The following NOSTRIN variants were observed in gnomAD, a reference collection of about 807,000 sequenced individuals.
NOSTRIN encodes the protein nitric oxide synthase trafficking.
NOSTRIN carries 63 observed loss-of-function variants against 59.0 expected under a neutral mutation model. The observed-to-expected ratio is 1.07, with a 90% CI of 0.87 to 1.32. The LOEUF is 1.32. Among genes scored for constraint, NOSTRIN ranks in the 40% most tolerant of loss-of-function variants. NOSTRIN has a pLI of 0.00. For synonymous variants in NOSTRIN, 200 were observed against 165.4 expected (o/e 1.21, Z -1.61); for missense variants, 512 against 473.1 (o/e 1.08, Z -0.76).
rs893134803 is a variant in NOSTRIN, at chr2:168,856,468, A to C, written c.965-222A>C. ...CATACACCTGTAATCCCAGCTACTCAAGAGGCTGAGGGAGGAGAATTGTTT... is the reference window on the plus strand; with the variant it reads ...CATACACCTGTAATCCCAGCTACTCCAGAGGCTGAGGGAGGAGAATTGTTT... On this transcript the variant is annotated intron_variant, in intron 11 of 15. Coordinates refer to ENST00000317647, the MANE Select transcript of NOSTRIN (RefSeq NM_001039724.4). 1.5e-5 allele frequency: 8 copies of C among 527,426 alleles called. No homozygotes were observed. In the African/African-American group the frequency reaches 1.5e-4, roughly 10 times the overall value. 32.7% of individuals were successfully genotyped at this position (527,426 alleles called of 1,614,324 possible).
At chr2:168,845,985 C>T (rs1162124030) in intron 8 of NOSTRIN, among the ~76,000 whole-genome samples, 2 of 152,028 alleles carry the variant, frequency 1.3e-5, no homozygotes, top group Non-Finnish European at 1.5e-5. Context: ...CCTCTGAGTT[C>T]TCTCCTGCCT....
At chr2:168,861,922 C>G (rs144696455) in intron 14 of NOSTRIN, 38 bp from the exon 15 acceptor site, 10 of 1,584,310 alleles carry the variant, frequency 6.3e-6, no homozygotes, top group Non-Finnish European at 8.7e-6. Context: ...CATTTGCCTG[C>G]TAACACAGCA....
chr2:168,838,571 C>G (rs1455046751), intron 7 of NOSTRIN, among the ~76,000 whole-genome samples: 1 of 151,938 alleles, frequency 6.6e-6, no homozygotes, highest in African/African-American at 2.4e-5. Flanking sequence ...TTGCTTTTGT[C>G]TATCTCCACT....
chr2:168,827,017 T>A (rs1687097083), intron 3 of NOSTRIN, among the ~76,000 whole-genome samples: 1 of 152,052 alleles, frequency 6.6e-6, no homozygotes, highest in African/African-American at 2.4e-5. Context: ...TGGCTTTGGA[T>A]GTGCAGAAAA....
At chr2:168,832,487 CT>C (rs1687422645) in intron 6 of NOSTRIN, among the ~76,000 whole-genome samples, 1 of 152,134 alleles carries the variant, frequency 6.6e-6, no homozygotes, top group African/African-American at 2.4e-5. Context: ...CACAGAGAAC[CT>C]TTACAAGTAA....
chr2:168,840,357 C>T (rs1004011710), intron 7 of NOSTRIN, among the ~76,000 whole-genome samples: 3 of 151,760 alleles, frequency 2.0e-5, no homozygotes, highest in East Asian at 3.9e-4. Context: ...GGTGAAACCC[C>T]GTCTCTACTA....
intron 1 of NOSTRIN, among the ~76,000 whole-genome samples, chr2:168,787,235 A>C (rs903353055): frequency 2.0e-5 from 3 of 151,776 alleles, no homozygotes; most frequent in African/African-American, 7.3e-5. Context: ...GGCAGCCTCC[A>C]CCCCACTTCC....
chr2:168,855,507 C>A, intron 11 of NOSTRIN, 47 bp downstream of exon 11: 1 of 1,057,974 alleles, frequency 9.5e-7, no homozygotes, highest in Non-Finnish European at 1.4e-6. Context: ...CCATATGATG[C>A]TCAGAGGTTT....
chr2:168,858,183 C>A (rs1399355602), intron 12 of NOSTRIN, among the ~76,000 whole-genome samples: 1 of 152,214 alleles, frequency 6.6e-6, no homozygotes, highest in African/African-American at 2.4e-5. Context: ...GTATTAGGAT[C>A]ATCTGGGTCC....
intron 7 of NOSTRIN, among the ~76,000 whole-genome samples, chr2:168,837,300 CTT>C (rs761309524): frequency 5.2e-3 from 321 of 62,098 alleles, no homozygotes; most frequent in African/African-American, 0.018. Flanking sequence ...TTTTTAACAT[CTT>C]TTTTTTTTTT....
intron 13 of NOSTRIN, 23 bp downstream of exon 13, chr2:168,859,660 G>A: frequency 1.2e-6 from 2 of 1,611,746 alleles, no homozygotes; most frequent in Non-Finnish European, 1.7e-6. Context: ...GAGACTGGTT[G>A]TAATTTCTTG....
chr2:168,805,030 A>T (rs781626428), intron 1 of NOSTRIN, among the ~76,000 whole-genome samples: 11 of 152,246 alleles, frequency 7.2e-5, no homozygotes, highest in Non-Finnish European at 1.5e-4. Flanking sequence ...TCATAATTTT[A>T]AAAATACATT....
At chr2:168,789,288 A>G (rs1236079963) in intron 2 of NOSTRIN, among the ~76,000 whole-genome samples, 1 of 152,232 alleles carries the variant, frequency 6.6e-6, no homozygotes, top group Non-Finnish European at 1.5e-5. Flanking sequence ...GACATACCTG[A>G]GACTGGGTAA....
chr2:168,855,530 GGATT>G, intron 11 of NOSTRIN, 70 bp downstream of exon 11: 1 of 760,622 alleles, frequency 1.3e-6, no homozygotes, highest in Non-Finnish European at 2.1e-6. Flanking sequence ...TTCAGAGTTA[GGATT>G]GATCTGCTTT....
intron 7 of NOSTRIN, among the ~76,000 whole-genome samples, chr2:168,837,158 C>A (rs963532773): frequency 6.6e-6 from 1 of 152,074 alleles, no homozygotes; most frequent in African/African-American, 2.4e-5. Flanking sequence ...CACAAATAGT[C>A]TATTGCATCT....
In NOSTRIN at chr2:168,806,763, T is replaced by C. The variant is rs187159956; in HGVS notation, c.27+4090T>C. 9.3e-4 allele frequency among the ~76,000 whole-genome samples: 142 copies of C among 152,248 alleles called. 1 individual carries two copies. The highest frequency in any genetic ancestry group is 9.2e-4 in the Admixed American group (14 of 15,290). ...ATCAATAGTAGATTATTCCCTGGAA[T>C]GAATATTTGATAGGGGGTTAGGATA... is the stretch of plus-strand genomic sequence containing the variant. On this transcript the variant is annotated intron_variant, in intron 1 of 15. Coordinates refer to ENST00000317647, the MANE Select transcript of NOSTRIN (RefSeq NM_001039724.4).
rs572881985 is a variant in NOSTRIN, at chr2:168,851,420, A to G, written c.855+16A>G. On this transcript the variant is annotated intron_variant, in intron 10 of 15. Coordinates refer to ENST00000317647, the MANE Select transcript of NOSTRIN (RefSeq NM_001039724.4). ...GGATTACTTTGTGAGTATGAAATGGAAAAAAAAAGTTACATTAATGGAGAA... is the reference window on the plus strand; with the variant it reads ...GGATTACTTTGTGAGTATGAAATGGGAAAAAAAAGTTACATTAATGGAGAA... The G allele has an allele frequency of 5.7e-6, 9 of 1,574,852 alleles. No individual in the cohort carries two copies. The highest frequency in any genetic ancestry group is 1.7e-4 in the Middle Eastern group (1 of 5,834).
chr2:168,791,807 A>G (rs201804188), intron 2 of NOSTRIN, among the ~76,000 whole-genome samples: 2 of 152,080 alleles, frequency 1.3e-5, no homozygotes, highest in East Asian at 1.9e-4. Context: ...GTCTGTTCAT[A>G]TCCTTCACCC....
chr2:168,798,809 C>CGATA (rs1491130814), upstream of NOSTRIN, among the ~76,000 whole-genome samples: 4 of 34,506 alleles, frequency 1.2e-4, no homozygotes, highest in Admixed American at 4.3e-4. Context: ...ATCGATCGAT[C>CGATA]GATCGATAGA....
Sources: gnomAD v4.1 joint callset for allele counts (sites outside exome capture counted in the v4.1 genomes callset) on GRCh38, gnomAD v4.1.1 for gene constraint, MANE v1.5 for transcripts, NCBI Gene and HGNC (gene_info 2026-07-23, HGNC 2026-07-21) for gene names.